BRF1: variants seen among roughly 807,000 people sequenced by gnomAD.
BRF1 encodes the protein BRF1 general transcription factor IIIB subunit, also known as transcription factor IIIB 90 kDa subunit.
BRF1 carries 59 observed loss-of-function variants against 81.7 expected under a neutral mutation model. The ratio of observed to expected loss-of-function variants is 0.72; its 90% CI spans 0.59 to 0.90. The LOEUF (loss-of-function observed/expected upper bound fraction) is 0.90, where lower values mean the gene tolerates loss of function less well. BRF1 is among the 40% of genes least tolerant of loss of function. The pLI is 0.00. For synonymous variants in BRF1, 491 were observed against 395.6 expected, an observed-to-expected ratio of 1.24 and a Z score of -2.86; for missense variants, 1,050 against 936.3, an observed-to-expected ratio of 1.12 and a Z score of -1.58.
intron 12 of BRF1, chr14:105,219,652 C>T (rs1891928251): frequency 2.5e-6 from 1 of 397,578 alleles, no homozygotes; most frequent in African/African-American, 2.0e-5. Flanking sequence ...TGACAGAGGG[C>T]AAGTATATTG....
At position 105,229,520 on chromosome 14, in the gene BRF1, G is replaced by C. The variant is rs587661313; in HGVS notation, c.695-607C>G. Among the ~76,000 whole-genome samples the C allele has an allele frequency of 1.5e-4, 23 of 152,332 alleles. No individual in the cohort carries two copies. The South Asian group carries it at 3.3e-3, about 22-fold the overall frequency. On this transcript the variant is annotated intron_variant, in intron 6 of 17. Transcript: ENST00000547530. ...ACCTGGGGCTCCAATTCCGGAGCTG[G>C]GGTAGTTGACCAGGCCACGGCCACA...
Position 105,226,708 on chromosome 14 carries a change from T to A in BRF1, c.841A>T (p.Met281Leu), listed in dbSNP as rs1180120530. ...CACTCCTCCTCCAGGTCGATCTTCA[T>A]GAACTCATCAATGGTCAACTGACTG... ...PTSQLTIDEF[M>L]KIDLEEECDP... is the part of the protein sequence containing the mutation. The change falls in exon 8 of 18, where the codon ATG becomes TTG. Residue 281 changes from methionine (M) to leucine (L), a missense_variant. This residue lies in a region of BRF1 where 1,043 missense variants were observed against 915.4 expected (regional missense o/e 1.14). Transcript: ENST00000547530. 1.5e-5 allele frequency: 25 copies of A among 1,613,594 alleles called. No homozygotes were observed. The highest frequency in any genetic ancestry group is 2.1e-5 in the Non-Finnish European group (25 of 1,180,010).
At chr14:105,263,367 C>G (rs937879208) in intron 3 of BRF1, among the ~76,000 whole-genome samples, 1 of 152,144 alleles carries the variant, frequency 6.6e-6, no homozygotes, top group Admixed American at 6.5e-5. Context: ...GAAGAGGAAG[C>G]AACTTCAACA....
chr14:105,283,062 T>C (rs952534088), intron 2 of BRF1, among the ~76,000 whole-genome samples: 2 of 152,258 alleles, frequency 1.3e-5, no homozygotes, highest in African/African-American at 4.8e-5. Context: ...CCAGAAGTAT[T>C]TGAAAAATAC....
At chr14:105,298,135 T>C (rs1302174375) in intron 1 of BRF1, among the ~76,000 whole-genome samples, 1 of 152,254 alleles carries the variant, frequency 6.6e-6, no homozygotes, top group Non-Finnish European at 1.5e-5. Flanking sequence ...GTAATTATAA[T>C]GCAGATATTC....
chr14:105,265,614 G>A (rs972239062), intron 3 of BRF1, among the ~76,000 whole-genome samples: 1 of 152,050 alleles, frequency 6.6e-6, no homozygotes, highest in African/African-American at 2.4e-5. Context: ...AGCTGGGCAT[G>A]GGCCAGGCAT....
intron 15 of BRF1, among the ~76,000 whole-genome samples, chr14:105,214,475 C>T (rs953126236): frequency 2.7e-5 from 4 of 147,726 alleles, no homozygotes; most frequent in Admixed American, 7.5e-5. Context: ...CACACCCCTG[C>T]GTGGCTCAGC....
chr14:105,298,597 G>A (rs1348175830), intron 1 of BRF1, among the ~76,000 whole-genome samples: 3 of 152,242 alleles, frequency 2.0e-5, no homozygotes, highest in East Asian at 1.9e-4. Flanking sequence ...GCTCGCGCCT[G>A]TAATCCCAGC....
At position 105,309,538 on chromosome 14, in the gene BRF1, G is replaced by T. The variant is rs990305116; in HGVS notation, c.-162+5784C>A. Among the ~76,000 whole-genome samples the T allele has an allele frequency of 1.3e-5, 2 of 152,178 alleles. No individual in the cohort carries two copies. Among genetic ancestry groups the T allele is most frequent in the Non-Finnish European group, 2.9e-5 (2 of 68,032 alleles). On this transcript the variant is annotated intron_variant, in intron 1 of 17. Transcript: ENST00000327359. This position sits in a 1 kb window ranked among gnomAD's most constrained non-coding sequence, Gnocchi z 4.0. ...ACCTGTGTCCCTGTTGACATTTCCAGTGTCACCTGCAGGATGCCATGGGAT... is the reference window on the plus strand; with the variant it reads ...ACCTGTGTCCCTGTTGACATTTCCATTGTCACCTGCAGGATGCCATGGGAT...
chr14:105,263,683 T>C (rs587671796), intron 3 of BRF1, among the ~76,000 whole-genome samples: 4 of 152,184 alleles, frequency 2.6e-5, no homozygotes, highest in South Asian at 4.1e-4. Flanking sequence ...CCCAACACTT[T>C]GGAAGGGTGA....
chr14:105,249,973 G>A, intron 5 of BRF1: 1 of 1,612,492 alleles, frequency 6.2e-7, no homozygotes, highest in Non-Finnish European at 8.5e-7. Context: ...AGGCCGTCCT[G>A]AACTGGGCCG....
At chr14:105,253,054 C>G (rs1310343658) in intron 4 of BRF1, among the ~76,000 whole-genome samples, 1 of 152,262 alleles carries the variant, frequency 6.6e-6, no homozygotes, top group Non-Finnish European at 1.5e-5. Flanking sequence ...CTGTTCCTAC[C>G]TTAGGTCCAA....
intron 1 of BRF1, among the ~76,000 whole-genome samples, chr14:105,308,288 C>G (rs1452523364): frequency 6.6e-6 from 1 of 152,014 alleles, no homozygotes; most frequent in Non-Finnish European, 1.5e-5. Context: ...TTGAGACCAG[C>G]CTGGGAAATA....
intron 3 of BRF1, 148 bp from the exon 4 acceptor site, chr14:105,256,697 G>A: frequency 7.4e-7 from 1 of 1,356,286 alleles, no homozygotes; most frequent in Non-Finnish European, 9.9e-7. Flanking sequence ...GGAAGGAAAG[G>A]TGGTATGGAA....
intron 1 of BRF1, among the ~76,000 whole-genome samples, chr14:105,313,677 C>T (rs1259463000): frequency 6.6e-6 from 1 of 152,238 alleles, no homozygotes; most frequent in Admixed American, 6.5e-5. Flanking sequence ...TCAATTTGCT[C>T]GGGCTGGATT....
At chr14:105,248,566 G>GGCTC (rs1566832376) in intron 5 of BRF1, 12 of 775,366 alleles carry the variant, frequency 1.5e-5, no homozygotes, top group Non-Finnish European at 1.7e-5. Context: ...GGCGGGTACG[G>GGCTC]GCTCGGGCGG....
chr14:105,298,666 C>T (rs984566278), intron 1 of BRF1, among the ~76,000 whole-genome samples: 15 of 150,982 alleles, frequency 9.9e-5, no homozygotes, highest in Non-Finnish European at 1.6e-4. Context: ...ACCAGCCTGA[C>T]GAACAGGGTG....
chr14:105,258,476 G>T (rs587658959), intron 3 of BRF1, among the ~76,000 whole-genome samples: 1 of 145,702 alleles, frequency 6.9e-6, no homozygotes, highest in East Asian at 2.0e-4. Flanking sequence ...GCGACAGAGC[G>T]AGACTCCGTC....
At position 105,271,340 on chromosome 14, in the gene BRF1, G is replaced by T. The variant is rs1203982441; in HGVS notation, c.439+1381C>A. The stretch of plus-strand genomic sequence containing the variant: ...ACGTGGAGATTAGAGGCAAGGAGCT[G>T]AAGCCCCGCAGCTGCACAGCAAGGG... On this transcript the variant is annotated intron_variant, in intron 3 of 17. Coordinates refer to ENST00000547530, the MANE Select transcript of BRF1 (RefSeq NM_001519.4). The surrounding 1 kb of genome is among the most constrained non-coding windows in gnomAD (Gnocchi z 5.5). 2.0e-5 allele frequency among the ~76,000 whole-genome samples: 3 copies of T among 152,238 alleles called. No individual in the cohort carries two copies. The highest frequency in any genetic ancestry group is 4.1e-4 in the South Asian group (2 of 4,830).
Sources: gnomAD v4.1 joint callset for allele counts (sites outside exome capture counted in the v4.1 genomes callset) on GRCh38, gnomAD v4.1.1 for gene constraint, gnomAD v4.1.1 regional missense constraint, Gnocchi (gnomAD v3.1) non-coding constraint, MANE v1.5 for transcripts, NCBI Gene and HGNC (gene_info 2026-07-23, HGNC 2026-07-21) for gene names.